RNF216: variants seen among roughly 807,000 people sequenced by gnomAD.
The protein encoded by RNF216 is ring finger protein 216, also known as E3 ubiquitin-protein ligase RNF216.
A neutral mutation model predicts 110.8 loss-of-function variants in RNF216; 72 were observed. That is an observed-to-expected ratio of 0.65 (90% confidence interval 0.54 to 0.79). RNF216 has a LOEUF of 0.79. Among genes scored for constraint, RNF216 ranks in the 30% least tolerant of loss-of-function variants. The pLI is 0.00. For synonymous variants in RNF216, 495 were observed against 407.5 expected (o/e 1.21, Z -2.59); for missense variants, 1,342 against 1,141.2 (o/e 1.18, Z -2.54).
chr7:5,735,434 TAAAGA>T, intron 5 of RNF216, among the ~76,000 whole-genome samples: 1 of 152,050 alleles, frequency 6.6e-6, no homozygotes, highest in East Asian at 1.9e-4. Flanking sequence ...GTTTATTGGT[TAAAGA>T]AATTAAAAAA....
chr7:5,653,065 G>A (rs944996147), intron 13 of RNF216, among the ~76,000 whole-genome samples: 2 of 152,056 alleles, frequency 1.3e-5, no homozygotes, highest in African/African-American at 4.8e-5. Flanking sequence ...CCCACAAGCT[G>A]GCGTCCAAAA....
rs529637704 is a variant in RNF216, at chr7:5,705,586, G to C, written c.2061+6175C>G. Among the ~76,000 whole-genome samples, 3 of 152,174 alleles carry C rather than the reference G, an allele frequency of 2.0e-5. 1 individual carries two copies. The Middle Eastern group carries it at 0.01, about 518-fold the overall frequency. On this transcript the variant is annotated intron_variant, in intron 13 of 16. Coordinates refer to ENST00000389902, the MANE Select transcript of RNF216 (RefSeq NM_207111.4). ...CATGCTGCACATCCCTCTTGGCAGAGGGAAAAAATGAACCATATGCCCTTT... is the reference window on the plus strand; with the variant it reads ...CATGCTGCACATCCCTCTTGGCAGACGGAAAAAATGAACCATATGCCCTTT...
chr7:5,676,239 T>G (rs1184264559), intron 13 of RNF216, among the ~76,000 whole-genome samples: 1 of 152,150 alleles, frequency 6.6e-6, no homozygotes, highest in Non-Finnish European at 1.5e-5. Flanking sequence ...CTTGAACTCC[T>G]GGTCTCAAGT....
At chr7:5,652,366 G>C (rs772002281) in intron 14 of RNF216, 47 bp downstream of exon 14, 6 of 1,346,026 alleles carry the variant, frequency 4.5e-6, no homozygotes, top group African/African-American at 1.4e-5. Context: ...CAGGTTAATG[G>C]GGAAGTTGAG....
intron 3 of RNF216, among the ~76,000 whole-genome samples, chr7:5,748,653 CACACAT>C (rs1245766103): frequency 4.7e-4 from 65 of 138,232 alleles, no homozygotes; most frequent in African/African-American, 1.1e-3. Flanking sequence ...CACACACACA[CACACAT>C]AATATACTAA....
At chr7:5,730,659 A>G in intron 6 of RNF216, 56 bp downstream of exon 6, 1 of 1,598,484 alleles carries the variant, frequency 6.3e-7, no homozygotes, top group Non-Finnish European at 8.5e-7. Context: ...AACAACAACA[A>G]CAACAAAGCA....
At chr7:5,781,125 T>G (rs1024683567) in intron 1 of RNF216, among the ~76,000 whole-genome samples, 10 of 152,168 alleles carry the variant, frequency 6.6e-5, no homozygotes, top group Non-Finnish European at 1.0e-4. Context: ...GGGCTGGGGT[T>G]CACAGGCACG....
intron 1 of RNF216, among the ~76,000 whole-genome samples, chr7:5,773,540 C>T (rs1253341431): frequency 1.3e-5 from 2 of 151,988 alleles, no homozygotes; most frequent in Non-Finnish European, 2.9e-5. Context: ...CACACCCAGC[C>T]AGATTTTTAA....
intron 14 of RNF216, among the ~76,000 whole-genome samples, chr7:5,646,734 T>C (rs1308302216): frequency 6.6e-6 from 1 of 151,862 alleles, no homozygotes; most frequent in African/African-American, 2.4e-5. Flanking sequence ...GACTATTCCT[T>C]GTTATGTGTG....
intron 13 of RNF216, among the ~76,000 whole-genome samples, chr7:5,699,826 C>A (rs1309969807): frequency 6.6e-6 from 1 of 152,204 alleles, no homozygotes; most frequent in Non-Finnish European, 1.5e-5. Flanking sequence ...TGTGGGAAGG[C>A]CATGTGGCCT....
At chr7:5,746,445 G>C (rs1795034790) in intron 3 of RNF216, among the ~76,000 whole-genome samples, 1 of 152,166 alleles carries the variant, frequency 6.6e-6, no homozygotes, top group South Asian at 2.1e-4. Flanking sequence ...ATACAGGGGT[G>C]CAGTTTTAAA....
At chr7:5,688,664 T>G (rs1293578393) in intron 13 of RNF216, among the ~76,000 whole-genome samples, 1 of 152,240 alleles carries the variant, frequency 6.6e-6, no homozygotes, top group Non-Finnish European at 1.5e-5. Context: ...TTACCTTGCT[T>G]TACACATCTG....
At chr7:5,710,253 G>A (rs1356370992) in intron 13 of RNF216, among the ~76,000 whole-genome samples, 1 of 152,126 alleles carries the variant, frequency 6.6e-6, no homozygotes, top group Non-Finnish European at 1.5e-5. Context: ...CCAGCTACTT[G>A]GGAGGCTGAG....
At chr7:5,711,988 T>C (rs1425850499) in intron 12 of RNF216, 149 bp from the exon 13 acceptor site, 15 of 646,396 alleles carry the variant, frequency 2.3e-5, no homozygotes, top group East Asian at 2.8e-5. Flanking sequence ...AAAACACAGA[T>C]TGAACCTCTT....
chr7:5,736,736 C>T (rs1248782373), intron 5 of RNF216, among the ~76,000 whole-genome samples: 1 of 152,060 alleles, frequency 6.6e-6, no homozygotes, highest in Admixed American at 6.6e-5. Flanking sequence ...CCCGCCGCCC[C>T]ATCTGGGATG....
At chr7:5,639,937 T>A (rs1787632108) in intron 15 of RNF216, among the ~76,000 whole-genome samples, 1 of 152,024 alleles carries the variant, frequency 6.6e-6, no homozygotes, top group African/African-American at 2.4e-5. Context: ...TTTTTTGTAT[T>A]TTTAGTAGAG....
chr7:5,704,541 C>A (rs143118654), intron 13 of RNF216, among the ~76,000 whole-genome samples: 13 of 152,370 alleles, frequency 8.5e-5, no homozygotes, highest in African/African-American at 3.1e-4. Context: ...TGCTTTGGTA[C>A]TGAGCCCAAA....
At position 5,712,826 on chromosome 7, in the gene RNF216, G is replaced by A. The variant is rs757793877; in HGVS notation, c.1871C>T (p.Ser624Leu). Residue 624 changes from serine to leucine, a missense_variant, in exon 12 of 17, where the codon TCG (serine) becomes TTG (leucine). Physicochemically the swap from Ser to Leu is moderately radical, Grantham distance 145. Coordinates refer to ENST00000389902, the MANE Select transcript of RNF216 (RefSeq NM_207111.4). ...CTTCTCCAGCTCACTGGTTGGGAAC[G>A]AACACGTGCAGCTGCCTTCCATGCA... ...LSCMEGSCTC[S>L]FPTSELEKVL... is the part of the protein sequence containing the mutation. The A allele has an allele frequency of 9.9e-6, 16 of 1,613,722 alleles. No homozygotes were observed. Among genetic ancestry groups the A allele is most frequent in the South Asian group, 4.4e-5 (4 of 91,072 alleles).
At chr7:5,716,878 A>G in intron 9 of RNF216, 112 bp from the exon 10 acceptor site, 1 of 789,480 alleles carries the variant, frequency 1.3e-6, no homozygotes, top group Non-Finnish European at 2.1e-6. Flanking sequence ...CTTCAATTAC[A>G]CAGTTTAGCA....
Sources: allele counts gnomAD v4.1 joint callset (sites outside exome capture counted in the v4.1 genomes callset), GRCh38; gene constraint gnomAD v4.1.1; transcripts MANE v1.5; gene names NCBI Gene and HGNC (gene_info 2026-07-23, HGNC 2026-07-21).